The following CATSPERT variants were observed in gnomAD, a reference collection of about 807,000 sequenced individuals.
The protein encoded by CATSPERT is cation channel sperm-associated targeting subunit tau.
chr2:201,491,256 T>TGGGC, the CATSPERT span: 1 of 1,537,956 alleles, frequency 6.5e-7, no homozygotes, highest in African/African-American at 1.4e-5. Context: ...GTGTGGTTGG[T>TGGGC]AGTATCCTGA....
the CATSPERT span, among the ~76,000 whole-genome samples, chr2:201,520,801 A>C: frequency 2.8e-4 from 42 of 152,102 alleles, no homozygotes; most frequent in Non-Finnish European, 4.7e-4. Flanking sequence ...AGGCAAGAGA[A>C]TCGCTTGAGT....
chr2:201,507,121 TA>T, the CATSPERT span, among the ~76,000 whole-genome samples: 1 of 152,150 alleles, frequency 6.6e-6, no homozygotes, highest in Non-Finnish European at 1.5e-5. Context: ...CACTTATCTT[TA>T]AAAAAATTCA....
At chr2:201,548,162 T>C in the CATSPERT span, among the ~76,000 whole-genome samples, 1 of 152,116 alleles carries the variant, frequency 6.6e-6, no homozygotes, top group African/African-American at 2.4e-5. Flanking sequence ...CAACTCATCA[T>C]TTACATTAAG....
chr2:201,535,424 C>T, the CATSPERT span: 2 of 973,242 alleles, frequency 2.1e-6, no homozygotes, highest in Non-Finnish European at 2.4e-6. Context: ...TTTGGTGTAC[C>T]TTTAAATTCA....
chr2:201,617,779 G>A, the CATSPERT span, among the ~76,000 whole-genome samples: 2 of 152,234 alleles, frequency 1.3e-5, no homozygotes, highest in East Asian at 1.9e-4. Flanking sequence ...GCAGCCTACA[G>A]AATGGGAGAA....
chr2:201,597,756 C>T, the CATSPERT span, among the ~76,000 whole-genome samples: 1 of 152,122 alleles, frequency 6.6e-6, no homozygotes, highest in Non-Finnish European at 1.5e-5. Flanking sequence ...GAGTCCAATA[C>T]CAGCTATTCC....
the CATSPERT span, among the ~76,000 whole-genome samples, chr2:201,605,981 T>C: frequency 1.2e-4 from 19 of 152,210 alleles, no homozygotes; most frequent in East Asian, 3.7e-3. Flanking sequence ...AAAAAAACTT[T>C]ATAAGGGGCA....
chr2:201,493,321 A>T, the CATSPERT span: 1 of 1,536,724 alleles, frequency 6.5e-7, no homozygotes, highest in Non-Finnish European at 8.7e-7. Flanking sequence ...TTCCTGTATA[A>T]ATTCAGCTCT....
At chr2:201,511,301 T>G in the CATSPERT span, among the ~76,000 whole-genome samples, 81 of 152,308 alleles carry the variant, frequency 5.3e-4, no homozygotes, top group Non-Finnish European at 7.5e-4. Context: ...CACAGGTGAG[T>G]AAAGTTAATA....
chr2:201,594,574 T>C, the CATSPERT span, among the ~76,000 whole-genome samples: 4 of 152,180 alleles, frequency 2.6e-5, no homozygotes, highest in African/African-American at 4.8e-5. Context: ...TGCAGAGTGT[T>C]TTCCAACTTG....
At chr2:201,541,531 T>A in the CATSPERT span, among the ~76,000 whole-genome samples, 4 of 92,744 alleles carry the variant, frequency 4.3e-5, no homozygotes, top group African/African-American at 9.1e-5. Flanking sequence ...TCAGATGATT[T>A]TATATATATA....
the CATSPERT span, among the ~76,000 whole-genome samples, chr2:201,610,697 T>C: frequency 2.0e-5 from 3 of 152,070 alleles, no homozygotes; most frequent in African/African-American, 7.2e-5. Context: ...CTAATGAACA[T>C]AGATGCAAAA....
the CATSPERT span, among the ~76,000 whole-genome samples, chr2:201,593,434 G>A: frequency 1.1e-4 from 17 of 151,418 alleles, no homozygotes; most frequent in East Asian, 9.6e-4. Context: ...GGTGTGTTAC[G>A]GTGCTGAAAA....
the CATSPERT span, among the ~76,000 whole-genome samples, chr2:201,538,892 C>T: frequency 6.6e-6 from 1 of 152,206 alleles, no homozygotes; most frequent in African/African-American, 2.4e-5. Context: ...TCATTTAGCT[C>T]CCACTTATAA....
the CATSPERT span, among the ~76,000 whole-genome samples, chr2:201,591,247 T>C: frequency 6.6e-6 from 1 of 152,280 alleles, no homozygotes; most frequent in Admixed American, 6.5e-5. Context: ...AGGGAATCCT[T>C]TCCCCATTGC....
At chr2:201,572,676 G>A in the CATSPERT span, among the ~76,000 whole-genome samples, 5 of 151,746 alleles carry the variant, frequency 3.3e-5, no homozygotes, top group Non-Finnish European at 5.9e-5. Flanking sequence ...TGTCACAAAA[G>A]GAGTAAACAA....
chr2:201,611,481 G>A, the CATSPERT span, among the ~76,000 whole-genome samples: 1 of 152,188 alleles, frequency 6.6e-6, no homozygotes, highest in African/African-American at 2.4e-5. Flanking sequence ...TAAGAGGAAA[G>A]GTTAGAACAA....
At chr2:201,592,811 T>C in the CATSPERT span, among the ~76,000 whole-genome samples, 1 of 152,272 alleles carries the variant, frequency 6.6e-6, no homozygotes, top group African/African-American at 2.4e-5. Flanking sequence ...TGTATTTCTG[T>C]GGGATCGGTG....
the CATSPERT span, among the ~76,000 whole-genome samples, chr2:201,508,595 C>T: frequency 6.6e-6 from 1 of 152,126 alleles, no homozygotes. Flanking sequence ...AAACTGAAAC[C>T]CAGCTGGGTG....
Sources: gnomAD v4.1 joint callset for allele counts (sites outside exome capture counted in the v4.1 genomes callset) on GRCh38, gnomAD v4.1.1 for gene constraint, MANE v1.5 for transcripts, NCBI Gene and HGNC (gene_info 2026-07-23, HGNC 2026-07-21) for gene names.